Variants in PFKM observed in about 807,000 individuals in gnomAD.
PFKM encodes the protein ATP-dependent 6-phosphofructokinase, muscle type.
In PFKM, 58 loss-of-function variants were observed where a neutral mutation model predicts 95.5. That is an observed-to-expected ratio of 0.61 (90% CI 0.49 to 0.76). PFKM has a LOEUF of 0.76. Among genes scored for constraint, PFKM ranks in the 30% least tolerant of loss-of-function variants. The pLI, the probability that PFKM is intolerant of heterozygous loss-of-function variation, is 0.00. For synonymous variants in PFKM, 336 were observed against 357.2 expected (o/e 0.94, Z 0.67); for missense variants, 678 against 1,005.4 (o/e 0.67, Z 4.40).
intron 13 of PFKM, among the ~76,000 whole-genome samples, chr12:48,140,470 TATA>T (rs766771110): frequency 1.3e-5 from 2 of 152,220 alleles, no homozygotes; most frequent in Non-Finnish European, 2.9e-5. Flanking sequence ...TCATTCATTG[TATA>T]ATAATGATAT....
intron 3 of PFKM, among the ~76,000 whole-genome samples, chr12:48,113,791 T>G (rs1372366578): frequency 2.6e-5 from 4 of 152,178 alleles, no homozygotes; most frequent in Non-Finnish European, 5.9e-5. Context: ...TTTGTGGGGT[T>G]TGAGGACCGG....
In PFKM at chr12:48,122,869, A is replaced by T; in HGVS notation, c.85+10A>T. 1 of 1,613,354 alleles carries T rather than the reference A, an allele frequency of 6.2e-7. No individual in the cohort carries two copies. The highest frequency in any genetic ancestry group is 8.5e-7 in the Non-Finnish European group (1 of 1,179,308). ...GGTGGAGATGCCCAAGGTAAGGAGG[A>T]GGGGACAAAAAACATGGCTGGTGGG... On this transcript the variant is annotated intron_variant, in intron 2 of 22. Transcript: ENST00000359794.
At chr12:48,109,808 C>T (rs1947027760) in intron 3 of PFKM, among the ~76,000 whole-genome samples, 1 of 152,156 alleles carries the variant, frequency 6.6e-6, no homozygotes, top group African/African-American at 2.4e-5. Flanking sequence ...CTTCTGCCTA[C>T]CTCCCTGCTT....
chr12:48,133,391 C>A lies in PFKM; in HGVS notation c.504C>A (p.Asp168Glu). 6.2e-7 allele frequency: 1 copy of A among 1,613,938 alleles called. No individual in the cohort carries two copies. Among genetic ancestry groups the A allele is most frequent in the African/African-American group, 1.3e-5 (1 of 75,022 alleles). Reference sequence around the variant, plus strand: ...GCCTGGTTGGGTCAATTGACAATGACTTCTGTGGCACCGATATGACCATTG... The same window carrying A: ...GCCTGGTTGGGTCAATTGACAATGAATTCTGTGGCACCGATATGACCATTG... The part of the protein sequence containing the change: ...IVGLVGSIDN[D>E]FCGTDMTIGT... Residue 168 changes from aspartate (D) to glutamate (E), a missense_variant, in exon 6 of 23, where the codon GAC (aspartate) becomes GAA (glutamate). Physicochemically the swap from Asp to Glu is conservative, Grantham distance 45. Coordinates refer to ENST00000359794, the MANE Select transcript of PFKM (RefSeq NM_000289.6).
At chr12:48,140,580 G>T in intron 13 of PFKM, 142 bp from the exon 14 acceptor site, 1 of 841,770 alleles carries the variant, frequency 1.2e-6, no homozygotes, top group East Asian at 2.4e-5. Context: ...CCTTGGGAGA[G>T]GGGTGTGTGT....
At chr12:48,105,602 G>C (rs1946476749), upstream of PFKM, 2 of 462,464 alleles carry the variant, frequency 4.3e-6, no homozygotes, top group Admixed American at 2.4e-5. Flanking sequence ...TCTCAAGGAA[G>C]GCGGGAGATG....
chr12:48,127,468 T>G (rs1199732064), intron 2 of PFKM, among the ~76,000 whole-genome samples: 2 of 152,194 alleles, frequency 1.3e-5, no homozygotes, highest in Non-Finnish European at 2.9e-5. Flanking sequence ...TTTTACCCTT[T>G]GTCTAAATCA....
rs554169766 is a variant in PFKM at position 48,134,235 on chromosome 12, C to T, written c.597C>T (p.His199=). 84 of 1,613,876 alleles carry T rather than the reference C, an allele frequency of 5.2e-5. 2 individuals are homozygous for T. The South Asian group carries it at 7.5e-4, about 14-fold the overall frequency. ...GTCATATGTCTATCTCTTGCAGCCA[C>T]CAGAGGACATTTGTGTTAGAAGTAA... is the stretch of plus-strand genomic sequence containing the variant. ...VDAITTTAQS[H]QRTFVLEVMG... is the part of the protein sequence containing the mutation. The change falls in exon 7 of 23, where the codon CAC becomes CAT. Residue 199 remains histidine (H), a synonymous_variant. Coordinates refer to ENST00000359794, the MANE Select transcript of PFKM (RefSeq NM_000289.6).
chr12:48,108,059 T>G (rs1410193787), intron 2 of PFKM: 2 of 1,599,182 alleles, frequency 1.3e-6, no homozygotes, highest in Non-Finnish European at 1.7e-6. Flanking sequence ...GACCTAAAGC[T>G]ATTGTTTCTC....
chr12:48,139,557 T>C (rs1950403126), intron 12 of PFKM: 1 of 624,140 alleles, frequency 1.6e-6, no homozygotes, highest in African/African-American at 1.8e-5. Flanking sequence ...CATCAACCTT[T>C]TATAATCTGT....
At chr12:48,136,693 T>C (rs12817932) in intron 10 of PFKM, among the ~76,000 whole-genome samples, 1 of 46,438 alleles carries the variant, frequency 2.2e-5, no homozygotes, top group African/African-American at 1.2e-4. Context: ...GGGTCGTCAC[T>C]TTTTTTTTTT....
chr12:48,128,401 G>C (rs1287384730), intron 2 of PFKM, among the ~76,000 whole-genome samples: 1 of 151,992 alleles, frequency 6.6e-6, no homozygotes, highest in Non-Finnish European at 1.5e-5. Context: ...CATTGTACTT[G>C]GCTCATGTCT....
chr12:48,145,097 A>G lies in PFKM; in HGVS notation c.2059A>G (p.Met687Val). ...GATGGGCGCCAAGGCTATGAACTGG[A>G]TGTCTGGGAAAATCAAAGAGAGTTA... ...TKMGAKAMNW[M>V]SGKIKESYRN... The change falls in exon 21 of 23, where the codon ATG becomes GTG. Residue 687 changes from methionine to valine, a missense_variant. By Grantham distance (21) the Met-to-Val change is conservative (BLOSUM62 1). Coordinates refer to ENST00000359794, the MANE Select transcript of PFKM (RefSeq NM_000289.6). The surrounding 1 kb of genome is among the most constrained non-coding windows in gnomAD (Gnocchi z 4.3). 1 of 1,614,098 alleles carries G rather than the reference A, an allele frequency of 6.2e-7. No individual in the cohort carries two copies.
At chr12:48,132,390 C>T (rs1226399354) in intron 4 of PFKM, among the ~76,000 whole-genome samples, 1 of 152,186 alleles carries the variant, frequency 6.6e-6, no homozygotes, top group Non-Finnish European at 1.5e-5. Flanking sequence ...AAAGGATTGG[C>T]AGTACCTGGG....
rs1445302775 is a variant in PFKM at position 48,146,031 on chromosome 12, G to A, written c.*323G>A. 2 of 339,684 alleles carry A rather than the reference G, an allele frequency of 5.9e-6. No individual in the cohort carries two copies. Among genetic ancestry groups the A allele is most frequent in the Admixed American group, 9.0e-5 (2 of 22,320 alleles). 21.0% of individuals were successfully genotyped at this position (339,684 alleles called of 1,614,324 possible). A position where few individuals can be genotyped will look rare whatever the true frequency, so the allele number is the denominator to read the frequency against. On this transcript the variant is annotated 3_prime_UTR_variant, in exon 23 of 23. Transcript: ENST00000359794. ...ATTTATTTCTTTGTGATAACAAAGA[G>A]TCTTGGTTCCTCTACTACTTTTACT...
chr12:48,124,275 T>C (rs1948592898), intron 2 of PFKM, among the ~76,000 whole-genome samples: 1 of 152,162 alleles, frequency 6.6e-6, no homozygotes, highest in Non-Finnish European at 1.5e-5. Context: ...AGAGCCCTAG[T>C]TGAGTTTGCA....
chr12:48,140,838 C>G lies in PFKM; in HGVS notation c.1308C>G (p.Val436=), dbSNP rs779395140. 51 of 1,614,068 alleles carry G rather than the reference C, an allele frequency of 3.2e-5. No homozygotes were observed. Among genetic ancestry groups the G allele is most frequent in the Non-Finnish European group, 4.2e-5 (50 of 1,180,040 alleles). Residue 436 remains valine, a synonymous_variant, in exon 14 of 23, where the codon GTC becomes GTG. Coordinates refer to ENST00000359794, the MANE Select transcript of PFKM (RefSeq NM_000289.6). ...GLIQGNRVLV[V]HDGFEGLAKG... ...TCCAGGGCAACCGAGTGCTCGTTGT[C>G]CATGATGGTTTCGAGGGCCTGGCCA...
intron 2 of PFKM, 31 bp from the exon 3 acceptor site, chr12:48,130,332 T>G: frequency 6.4e-7 from 1 of 1,568,758 alleles, no homozygotes; most frequent in Non-Finnish European, 8.8e-7. Context: ...AGGAGCAACC[T>G]CTCCGTGACT....
Position 48,145,072 on chromosome 12 carries a change from G to A in PFKM, c.2034G>A (p.Lys678=), listed in dbSNP as rs1426948180. ...CATTTGATAGGAATTTTGCCACTAA[G>A]ATGGGCGCCAAGGCTATGAACTGGA... ...PTPFDRNFAT[K]MGAKAMNWMS... The change falls in exon 21 of 23, where the codon AAG becomes AAA. Residue 678 remains lysine (K), a synonymous_variant. Transcript: ENST00000359794. This position sits in a 1 kb window ranked among gnomAD's most constrained non-coding sequence, Gnocchi z 4.3. 1.1e-5 allele frequency: 18 copies of A among 1,614,182 alleles called. No individual in the cohort carries two copies. The highest frequency in any genetic ancestry group is 1.6e-4 in the Middle Eastern group (1 of 6,062).
Sources: gnomAD v4.1 joint callset for allele counts (sites outside exome capture counted in the v4.1 genomes callset) on GRCh38, gnomAD v4.1.1 for gene constraint, Gnocchi (gnomAD v3.1) non-coding constraint, MANE v1.5 for transcripts, NCBI Gene and HGNC (gene_info 2026-07-23, HGNC 2026-07-21) for gene names.